The following TRPM8 variants were observed in gnomAD, a reference collection of about 807,000 sequenced individuals.
TRPM8 encodes transient receptor potential cation channel subfamily M member 8, also known as TRPM8 cationic channel.
Under a neutral mutation model 133.7 loss-of-function variants are expected in TRPM8, and 110 were observed. The ratio of observed to expected loss-of-function variants is 0.82; its 90% CI spans 0.70 to 0.96. The LOEUF is 0.96. Ranked by LOEUF, TRPM8 falls within the 40% of genes least tolerant of loss-of-function variation. The pLI, the probability that TRPM8 is intolerant of heterozygous loss-of-function variation, is 0.00. For synonymous variants in TRPM8, 535 were observed against 532.3 expected (o/e 1.01, Z -0.07); for missense variants, 1,291 against 1,379.5 (o/e 0.94, Z 1.02).
At chr2:233,994,573 G>C (rs1048054983) in intron 21 of TRPM8, among the ~76,000 whole-genome samples, 1 of 152,352 alleles carries the variant, frequency 6.6e-6, no homozygotes, top group Admixed American at 6.5e-5. Flanking sequence ...CCAGGCCCTA[G>C]TGTAGATTGC....
At chr2:234,014,783 G>C in intron 25 of TRPM8, 129 bp downstream of exon 25, 6 of 272,294 alleles carry the variant, frequency 2.2e-5, no homozygotes, top group Non-Finnish European at 3.5e-5. Flanking sequence ...AATGCATTGT[G>C]CAAAAAAAAA....
intron 16 of TRPM8, 87 bp from the exon 17 acceptor site, chr2:233,970,123 G>A: frequency 1.3e-5 from 16 of 1,229,858 alleles, no homozygotes; most frequent in African/African-American, 1.2e-4. Flanking sequence ...CTATGGGTCT[G>A]TATTTATCTA....
chr2:233,981,192 T>G (rs929372116), intron 18 of TRPM8, among the ~76,000 whole-genome samples: 22 of 152,144 alleles, frequency 1.4e-4, no homozygotes, highest in African/African-American at 4.3e-4. Context: ...TTGAATGGGG[T>G]AAAAACATCA....
rs372810947 is a variant in TRPM8 at position 233,942,324 on chromosome 2, C to T, written c.527-252C>T. Among the ~76,000 whole-genome samples the T allele has an allele frequency of 5.9e-5, 9 of 152,230 alleles. No homozygotes were observed. The East Asian group carries it at 1.5e-3, about 26-fold the overall frequency. On this transcript the variant is annotated intron_variant, in intron 5 of 25. Transcript: ENST00000324695. Reference sequence around the variant, plus strand: ...TGAACTCCTGACCTCGTGATCCACTCGCCTTGGCCTCCCAAAGTGCTGGGA... The same window carrying T: ...TGAACTCCTGACCTCGTGATCCACTTGCCTTGGCCTCCCAAAGTGCTGGGA...
At chr2:233,960,647 A>G (rs1195447011) in intron 11 of TRPM8, 129 bp from the exon 12 acceptor site, 4 of 716,974 alleles carry the variant, frequency 5.6e-6, no homozygotes, top group Non-Finnish European at 9.3e-6. Flanking sequence ...GACAGGATTG[A>G]AAGAGAAGTT....
intron 18 of TRPM8, among the ~76,000 whole-genome samples, chr2:233,980,830 TAG>T (rs986044633): frequency 4.6e-5 from 7 of 152,140 alleles, no homozygotes; most frequent in African/African-American, 1.4e-4. Flanking sequence ...TTCCACATCG[TAG>T]AGAGATTAGG....
intron 3 of TRPM8, among the ~76,000 whole-genome samples, chr2:233,932,566 T>G (rs955125646): frequency 2.0e-5 from 3 of 152,000 alleles, no homozygotes; most frequent in African/African-American, 7.3e-5. Flanking sequence ...CACTTACTAG[T>G]GGAAGGGGAA....
chr2:233,963,396 A>G lies in TRPM8; in HGVS notation c.1749+19A>G. The G allele has an allele frequency of 6.6e-7, 1 of 1,507,470 alleles. No individual in the cohort carries two copies. The highest frequency in any genetic ancestry group is 9.2e-7 in the Non-Finnish European group (1 of 1,086,750). 93.4% of individuals were successfully genotyped at this position (1,507,470 alleles called of 1,614,324 possible). ...GGAGCAGGTAAGTGCCCAAGCCCAC[A>G]TCAGATTTACACCAAATATATGCTT... On this transcript the variant is annotated intron_variant, in intron 13 of 25. Coordinates refer to ENST00000324695, the MANE Select transcript of TRPM8 (RefSeq NM_024080.5).
chr2:234,006,869 C>T lies in TRPM8; in HGVS notation c.3147C>T (p.Asp1049=), dbSNP rs1325717644. Residue 1049 remains aspartate, a synonymous_variant, in exon 23 of 26, where the codon GAC becomes GAT. Transcript: ENST00000324695. ...TTATTCAAGGTTTCAAAAATGAAGA[C>T]AATGAGACTCTGGCATGGGAGGGTG... ...ESSVCCFKNE[D]NETLAWEGVM... is the part of the protein sequence containing the mutation. 1 of 1,613,186 alleles carries T rather than the reference C, an allele frequency of 6.2e-7. No individual in the cohort carries two copies. Among genetic ancestry groups the T allele is most frequent in the Non-Finnish European group, 8.5e-7 (1 of 1,179,276 alleles).
At chr2:233,983,704 A>G (rs1019563624) in intron 20 of TRPM8, among the ~76,000 whole-genome samples, 4 of 152,182 alleles carry the variant, frequency 2.6e-5, no homozygotes, top group African/African-American at 9.6e-5. Flanking sequence ...TAATTTGCCC[A>G]CACCCGATTT....
Position 233,974,057 on chromosome 2 carries a change from G to C in TRPM8, c.2355+3631G>C, listed in dbSNP as rs532675791. On this transcript the variant is annotated intron_variant, in intron 17 of 25. Coordinates refer to ENST00000324695, the MANE Select transcript of TRPM8 (RefSeq NM_024080.5). ...CCCAGCTTAGCTTTTGCAAGAGGGA[G>C]GGGCTGAAAGGGTGAGATTGGGGGT... Among the ~76,000 whole-genome samples the C allele has an allele frequency of 7.3e-4, 111 of 152,328 alleles. 1 individual carries two copies. Among genetic ancestry groups the C allele is most frequent in the South Asian group, 2.7e-3 (13 of 4,822 alleles).
intron 15 of TRPM8, chr2:233,968,199 G>A (rs10171428): frequency 0.53 from 80,280 of 151,832 alleles, 21,936 homozygotes; most frequent in East Asian, 0.6. Context: ...ACTAAGCACT[G>A]CCTGTCTCCG....
chr2:233,986,727 A>G (rs1692156374), intron 21 of TRPM8, among the ~76,000 whole-genome samples: 2 of 152,230 alleles, frequency 1.3e-5, no homozygotes, highest in Non-Finnish European at 1.5e-5. Context: ...TTTGCAATGC[A>G]TATAATGAAC....
At chr2:233,997,571 C>T (rs1372576660) in intron 22 of TRPM8, among the ~76,000 whole-genome samples, 2 of 152,146 alleles carry the variant, frequency 1.3e-5, no homozygotes, top group Non-Finnish European at 2.9e-5. Context: ...GAAACTGATC[C>T]TTGATTGTGT....
At chr2:234,016,324 G>A (rs1692955243) in intron 25 of TRPM8, among the ~76,000 whole-genome samples, 1 of 152,124 alleles carries the variant, frequency 6.6e-6, no homozygotes, top group Non-Finnish European at 1.5e-5. Context: ...AATTTGGCAT[G>A]TCCAACTTTT....
chr2:233,933,275 A>C (rs960023633), intron 3 of TRPM8, among the ~76,000 whole-genome samples: 1 of 152,202 alleles, frequency 6.6e-6, no homozygotes, highest in East Asian at 1.9e-4. Context: ...CCAATACGGT[A>C]GCCACTAGCC....
chr2:233,935,466 G>T (rs866224715), intron 3 of TRPM8, among the ~76,000 whole-genome samples: 6 of 151,980 alleles, frequency 3.9e-5, no homozygotes, highest in African/African-American at 1.4e-4. Flanking sequence ...ACTTTATTGT[G>T]GGGTCTAGAA....
chr2:234,011,166 G>C (rs1406417400), intron 24 of TRPM8, among the ~76,000 whole-genome samples: 1 of 152,124 alleles, frequency 6.6e-6, no homozygotes, highest in Non-Finnish European at 1.5e-5. Flanking sequence ...TCTGAGATAG[G>C]GGTCCAATGT....
chr2:234,006,473 A>G (rs184862974), intron 22 of TRPM8, among the ~76,000 whole-genome samples: 3 of 152,322 alleles, frequency 2.0e-5, no homozygotes, highest in Admixed American at 2.0e-4. Flanking sequence ...TTCATCAGCA[A>G]TTATCCAGCT....
Sources: gnomAD v4.1 joint callset for allele counts (sites outside exome capture counted in the v4.1 genomes callset) on GRCh38, gnomAD v4.1.1 for gene constraint, MANE v1.5 for transcripts, NCBI Gene and HGNC (gene_info 2026-07-23, HGNC 2026-07-21) for gene names.